The following ADGRV1 variants were observed in gnomAD, a reference collection of about 807,000 sequenced individuals.
ADGRV1 encodes adhesion G protein-coupled receptor V1.
A neutral mutation model predicts 596.2 loss-of-function variants in ADGRV1; 359 were observed. That is an observed-to-expected ratio of 0.60 (90% CI 0.55 to 0.66). The LOEUF (loss-of-function observed/expected upper bound fraction) is 0.66. Ranked by LOEUF, ADGRV1 falls within the 30% of genes least tolerant of loss-of-function variation. ADGRV1 has a pLI of 0.00. For synonymous variants in ADGRV1, 2,681 were observed against 2,679.2 expected, an observed-to-expected ratio of 1.00 and a Z score of -0.02; for missense variants, 7,274 against 7,575.6, an observed-to-expected ratio of 0.96 and a Z score of 1.48.
At position 90,576,382 on chromosome 5, in the gene ADGRV1, T is replaced by G. The variant is rs182865237; in HGVS notation, c.22+17465T>G. On this transcript the variant is annotated intron_variant, in intron 1 of 89. Coordinates refer to ENST00000405460, the MANE Select transcript of ADGRV1 (RefSeq NM_032119.4). The stretch of plus-strand genomic sequence containing the variant: ...TGTGGTGTTTGGTTTTCTGTTGTTG[T>G]GATAGTTTGCTGAGAATGATGGTTT... Among the ~76,000 whole-genome samples, 7 of 152,160 alleles carry G rather than the reference T, an allele frequency of 4.6e-5. No homozygotes were observed. In the East Asian group the frequency reaches 1.4e-3, roughly 29 times the overall value.
intron 85 of ADGRV1, among the ~76,000 whole-genome samples, chr5:91,034,847 A>G (rs1242652591): frequency 2.0e-5 from 3 of 152,146 alleles, no homozygotes; most frequent in Admixed American, 6.5e-5. Context: ...GTGCAGTAGC[A>G]TGATCATAGC....
chr5:90,626,481 A>T (rs946836489), intron 6 of ADGRV1: 2 of 152,224 alleles, frequency 1.3e-5, no homozygotes, highest in African/African-American at 4.8e-5. Flanking sequence ...TGATGGAGGT[A>T]AAAGCATGCA....
intron 83 of ADGRV1, among the ~76,000 whole-genome samples, chr5:90,882,419 C>T (rs937898508): frequency 1.3e-5 from 2 of 152,200 alleles, no homozygotes; most frequent in African/African-American, 4.8e-5. Flanking sequence ...GAAACTTGCT[C>T]ACAGTCTCCT....
intron 82 of ADGRV1, among the ~76,000 whole-genome samples, chr5:90,862,948 T>A (rs1767744151): frequency 6.6e-6 from 1 of 152,176 alleles, no homozygotes; most frequent in South Asian, 2.1e-4. Context: ...TCCTGTTTAT[T>A]AACGAGGCAT....
At chr5:90,657,141 G>A (rs1769518572) in intron 20 of ADGRV1, among the ~76,000 whole-genome samples, 2 of 151,380 alleles carry the variant, frequency 1.3e-5, no homozygotes, top group South Asian at 4.2e-4. Context: ...GCTAGGTGCA[G>A]TGGCCCATGC....
At chr5:90,917,097 T>A (rs1359619973) in intron 83 of ADGRV1, among the ~76,000 whole-genome samples, 2 of 152,234 alleles carry the variant, frequency 1.3e-5, no homozygotes, top group Non-Finnish European at 2.9e-5. Context: ...CAAACCTTGC[T>A]GTTTGTAGTT....
intron 59 of ADGRV1, among the ~76,000 whole-genome samples, chr5:90,771,980 G>A (rs552719840): frequency 6.6e-6 from 1 of 152,194 alleles, no homozygotes; most frequent in African/African-American, 2.4e-5. Context: ...CGTAACCATT[G>A]GCTGGGATTT....
intron 21 of ADGRV1, among the ~76,000 whole-genome samples, chr5:90,669,929 G>C (rs1351618250): frequency 6.6e-6 from 1 of 152,244 alleles, no homozygotes; most frequent in African/African-American, 2.4e-5. Flanking sequence ...AAATGTACTT[G>C]GTCCTCTTCT....
intron 86 of ADGRV1, among the ~76,000 whole-genome samples, chr5:91,077,172 G>A (rs967990811): frequency 3.9e-5 from 6 of 152,078 alleles, no homozygotes; most frequent in Non-Finnish European, 5.9e-5. Flanking sequence ...TAAAAATACC[G>A]TGGGCATCTC....
At chr5:90,988,154 CTCAACAGCTTTACAGTGCCT>C (rs1345336208) in intron 85 of ADGRV1, among the ~76,000 whole-genome samples, 3 of 152,172 alleles carry the variant, frequency 2.0e-5, no homozygotes, top group Admixed American at 6.5e-5. Flanking sequence ...TGTTGGCTGC[CTCAACAGCTTTACAGTGCCT>C]TCAAACAAAT....
intron 8 of ADGRV1, 40 bp from the exon 9 acceptor site, chr5:90,629,170 C>A: frequency 2.6e-6 from 3 of 1,167,780 alleles, no homozygotes; most frequent in South Asian, 4.5e-5. Flanking sequence ...ATCTCAGATG[C>A]GAGAATTCTG....
chr5:90,673,465 C>T (rs916421077), intron 22 of ADGRV1, among the ~76,000 whole-genome samples: 4 of 152,164 alleles, frequency 2.6e-5, no homozygotes, highest in African/African-American at 9.7e-5. Context: ...CTGCTCAGCA[C>T]CTGCCTTAGT....
Position 90,745,633 on chromosome 5 carries a change from A to G in ADGRV1, c.10812A>G (p.Thr3604=). The G allele has an allele frequency of 6.2e-7, 1 of 1,612,860 alleles. No individual in the cohort carries two copies. Among genetic ancestry groups the G allele is most frequent in the Admixed American group, 1.7e-5 (1 of 60,020 alleles). Residue 3604 remains threonine, a synonymous_variant, in exon 52 of 90, where the codon ACA becomes ACG. Transcript: ENST00000405460. ...LIFEPGEREA[T]IAVNILDDTV... ...TTGAACCTGGTGAGAGAGAAGCTAC[A>G]ATAGCAGTAAATATCCTTGATGATA...
Position 90,778,955 on chromosome 5 carries a change from G to A in ADGRV1, c.12940G>A (p.Asp4314Asn), listed in dbSNP as rs1389992598. 6.2e-7 allele frequency: 1 copy of A among 1,613,530 alleles called. No homozygotes were observed. Among genetic ancestry groups the A allele is most frequent in the South Asian group, 1.1e-5 (1 of 91,068 alleles). ...TMSGTAEAGL[D>N]FVPAAGELLF... ...GAGCGGGACAGCGGAAGCAGGCTTGGATTTTGTTCCTGCAGCAGGGGAGCT... is the reference window on the plus strand; with the variant it reads ...GAGCGGGACAGCGGAAGCAGGCTTGAATTTTGTTCCTGCAGCAGGGGAGCT... Residue 4314 changes from aspartate (D) to asparagine (N), a missense_variant, in exon 64 of 90, where the codon GAT becomes AAT. Physicochemically the swap from Asp to Asn is conservative, Grantham distance 23. Coordinates refer to ENST00000405460, the MANE Select transcript of ADGRV1 (RefSeq NM_032119.4).
At chr5:91,094,645 A>G (rs1790693687) in intron 86 of ADGRV1, among the ~76,000 whole-genome samples, 1 of 152,200 alleles carries the variant, frequency 6.6e-6, no homozygotes, top group South Asian at 2.1e-4. Context: ...AAGATAAAAT[A>G]GACAAAATAT....
intron 78 of ADGRV1, among the ~76,000 whole-genome samples, chr5:90,847,833 G>A (rs868001506): frequency 8.6e-5 from 13 of 151,932 alleles, no homozygotes; most frequent in South Asian, 6.2e-4. Context: ...CCTGGTTCCC[G>A]CCTCTCCCTC....
intron 78 of ADGRV1, among the ~76,000 whole-genome samples, chr5:90,843,817 G>A (rs989145451): frequency 6.6e-6 from 1 of 152,142 alleles, no homozygotes; most frequent in African/African-American, 2.4e-5. Flanking sequence ...TGGGAAAAAC[G>A]ATAGCCATTA....
chr5:90,947,769 A>AT (rs1454969007), intron 83 of ADGRV1, among the ~76,000 whole-genome samples: 1 of 152,114 alleles, frequency 6.6e-6, no homozygotes, highest in Non-Finnish European at 1.5e-5. Context: ...ACAGAGAATA[A>AT]TTTTTCAGAG....
At chr5:91,060,416 G>A (rs955953935) in intron 85 of ADGRV1, among the ~76,000 whole-genome samples, 5 of 146,978 alleles carry the variant, frequency 3.4e-5, no homozygotes, top group Non-Finnish European at 5.9e-5. Context: ...TTTTAATAGA[G>A]ACGAGGTTTC....
Sources: allele counts gnomAD v4.1 joint callset (sites outside exome capture counted in the v4.1 genomes callset), GRCh38; gene constraint gnomAD v4.1.1; transcripts MANE v1.5; gene names NCBI Gene and HGNC (gene_info 2026-07-23, HGNC 2026-07-21).